Variants in PKD2 observed in about 807,000 individuals in gnomAD.
The protein encoded by PKD2 is polycystin 2, transient receptor potential cation channel.
In PKD2, 48 loss-of-function variants were observed where a neutral mutation model predicts 105.9. That is an observed-to-expected ratio of 0.45 (90% CI 0.36 to 0.58). The LOEUF is 0.58. Ranked by LOEUF, PKD2 falls within the 20% of genes least tolerant of loss-of-function variation. PKD2 has a pLI of 0.00. For synonymous variants in PKD2, 464 were observed against 481.1 expected, an observed-to-expected ratio of 0.96 and a Z score of 0.46; for missense variants, 1,078 against 1,255.3, an observed-to-expected ratio of 0.86 and a Z score of 2.13.
At chr4:88,064,786 G>A (rs561505115) in intron 10 of PKD2, among the ~76,000 whole-genome samples, 1 of 152,056 alleles carries the variant, frequency 6.6e-6, no homozygotes, top group African/African-American at 2.4e-5. Flanking sequence ...GCTACTTGTT[G>A]GGGGCTGAGT....
Position 88,043,233 on chromosome 4 carries a change from T to G in PKD2, c.1095T>G (p.Ala365=). ...RAPFGPRNGT[A]WIYTSEKDLN... ...GTTTTTTGGTTTTGTTTTTAATCAGTTGGATCTACACAAGTGAAAAAGACT... is the reference window on the plus strand; with the variant it reads ...GTTTTTTGGTTTTGTTTTTAATCAGGTGGATCTACACAAGTGAAAAAGACT... Residue 365 remains alanine (A), a splice_region_variant and synonymous_variant, in exon 5 of 15, where the codon GCT becomes GCG. Transcript: ENST00000237596. The G allele has an allele frequency of 1.3e-6, 2 of 1,583,168 alleles. No individual in the cohort carries two copies. Among genetic ancestry groups the G allele is most frequent in the Non-Finnish European group, 1.7e-6 (2 of 1,158,316 alleles).
At chr4:88,036,183 C>T (rs1435846135) in intron 2 of PKD2, 37 bp from the exon 3 acceptor site, 3 of 1,613,648 alleles carry the variant, frequency 1.9e-6, no homozygotes, top group Non-Finnish European at 2.5e-6. Context: ...TGTGCCGGTT[C>T]CCTTGGGGCG....
chr4:88,030,523 TA>T (rs1727109591), intron 2 of PKD2, among the ~76,000 whole-genome samples: 1 of 152,252 alleles, frequency 6.6e-6, no homozygotes, highest in South Asian at 2.1e-4. Flanking sequence ...CCATTCCCTA[TA>T]AATATCTGGT....
chr4:88,007,967 G>A lies in PKD2; in HGVS notation c.234G>A (p.Pro78=). 6.7e-7 allele frequency: 1 copy of A among 1,498,684 alleles called. No homozygotes were observed. Among genetic ancestry groups the A allele is most frequent in the Non-Finnish European group, 8.9e-7 (1 of 1,127,508 alleles). The allele number at this position is 1,498,684 out of a possible 1,614,324, so 92.8% of individuals were successfully genotyped here. ...GAGCCGCGGCCTCCCCTTCTCCTCC[G>A]CTCTCGTCGTGCTCCCGGCAGGCGT... ...PAGAAASPSP[P]LSSCSRQAWS... Residue 78 remains proline, a synonymous_variant, in exon 1 of 15, where the codon CCG becomes CCA. Transcript: ENST00000237596.
chr4:88,023,821 A>T (rs1291386754), intron 2 of PKD2, among the ~76,000 whole-genome samples: 2 of 152,206 alleles, frequency 1.3e-5, no homozygotes, highest in African/African-American at 4.8e-5. Context: ...CTCAGTTCTA[A>T]GAGCTATAGT....
chr4:88,041,549 T>A (rs1727565178), intron 4 of PKD2, among the ~76,000 whole-genome samples: 1 of 152,172 alleles, frequency 6.6e-6, no homozygotes, highest in Admixed American at 6.5e-5. Flanking sequence ...TCACATAGGA[T>A]GTGCTGAATT....
chr4:88,066,873 C>A (rs1720816064), intron 12 of PKD2, among the ~76,000 whole-genome samples: 1 of 152,112 alleles, frequency 6.6e-6, no homozygotes, highest in Non-Finnish European at 1.5e-5. Flanking sequence ...AAGCCACTTT[C>A]CTATGAGAAG....
At chr4:88,043,702 A>G (rs76104738) in intron 5 of PKD2, among the ~76,000 whole-genome samples, 2 of 152,174 alleles carry the variant, frequency 1.3e-5, no homozygotes, top group East Asian at 1.9e-4. Flanking sequence ...GTTCATCTCA[A>G]TGCTGGAACC....
chr4:88,033,216 C>T (rs945288546), intron 2 of PKD2, among the ~76,000 whole-genome samples: 1 of 152,062 alleles, frequency 6.6e-6, no homozygotes, highest in Non-Finnish European at 1.5e-5. Context: ...CACTTGAGCT[C>T]ACAAGTTTGA....
At chr4:88,019,388 T>A in intron 1 of PKD2, 70 bp from the exon 2 acceptor site, 1 of 817,346 alleles carries the variant, frequency 1.2e-6, no homozygotes, top group South Asian at 1.5e-5. Context: ...TGCTTTATTT[T>A]CCCTTTTGCC....
intron 1 of PKD2, among the ~76,000 whole-genome samples, chr4:88,011,488 A>G (rs1202306281): frequency 6.6e-6 from 1 of 152,016 alleles, no homozygotes; most frequent in Admixed American, 6.5e-5. Flanking sequence ...CAGGTTGAAT[A>G]CCTGGAATAA....
chr4:88,011,897 G>C (rs1043498345), intron 1 of PKD2, among the ~76,000 whole-genome samples: 2 of 48,066 alleles, frequency 4.2e-5, no homozygotes, highest in African/African-American at 1.5e-4. Flanking sequence ...TTTCAATGGG[G>C]GGGGGGGGGA....
intron 6 of PKD2, among the ~76,000 whole-genome samples, chr4:88,049,181 T>C (rs538617151): frequency 1.3e-5 from 2 of 152,254 alleles, no homozygotes; most frequent in South Asian, 2.1e-4. Flanking sequence ...TTATTATCTT[T>C]ATTTGTAAAT....
Position 88,073,583 on chromosome 4 carries a change from C to G in PKD2, c.2523-1229C>G, listed in dbSNP as rs375161466. On this transcript the variant is annotated intron_variant, in intron 13 of 14. Coordinates refer to ENST00000237596, the MANE Select transcript of PKD2 (RefSeq NM_000297.4). Reference sequence around the variant, plus strand: ...AGAAATGCTGGCAGCCTGCCCCTCCCTGGGAGATACTGTAGCCCTAGACTG... The same window carrying G: ...AGAAATGCTGGCAGCCTGCCCCTCCGTGGGAGATACTGTAGCCCTAGACTG... Among the ~76,000 whole-genome samples the G allele has an allele frequency of 3.0e-4, 46 of 152,114 alleles. No individual in the cohort carries two copies. The South Asian group carries it at 9.6e-3, about 32-fold the overall frequency.
intron 4 of PKD2, among the ~76,000 whole-genome samples, chr4:88,042,490 G>C (rs192306172): frequency 6.6e-6 from 1 of 152,232 alleles, no homozygotes; most frequent in Non-Finnish European, 1.5e-5. Flanking sequence ...CAACCCATAT[G>C]ACCATTCACC....
In PKD2 at chr4:88,058,023, G is replaced by T; in HGVS notation, c.1939G>T (p.Ala647Ser). ...FRIILGDINF[A>S]EIEEANRVLG... is the part of the protein sequence containing the mutation. ...TATCATTTTGGGCGATATCAACTTT[G>T]CAGAGATTGAGGAAGCTAATCGAGT... Residue 647 changes from alanine (A) to serine (S), a missense_variant, in exon 9 of 15, where the codon GCA (alanine) becomes TCA (serine). Physicochemically the swap from Ala to Ser is moderately conservative, Grantham distance 99 (BLOSUM62 1). This residue lies in a region of PKD2 where 868 missense variants were observed against 1,067.3 expected (regional missense o/e 0.81). Transcript: ENST00000237596. The T allele has an allele frequency of 3.1e-6, 5 of 1,587,620 alleles. No individual in the cohort carries two copies. The highest frequency in any genetic ancestry group is 4.3e-6 in the Non-Finnish European group (5 of 1,155,868).
At chr4:88,035,259 T>C (rs371161676) in intron 2 of PKD2, among the ~76,000 whole-genome samples, 7 of 152,202 alleles carry the variant, frequency 4.6e-5, no homozygotes, top group African/African-American at 1.2e-4. Context: ...GACCATTCAA[T>C]ATTATCAGTA....
chr4:88,064,611 G>T (rs184137661), intron 10 of PKD2, among the ~76,000 whole-genome samples: 1 of 152,036 alleles, frequency 6.6e-6, no homozygotes, highest in East Asian at 1.9e-4. Context: ...AAAAATCCTC[G>T]GCCAGGGGCA....
Position 88,019,479 on chromosome 4 carries a change from T to C in PKD2, c.617T>C (p.Met206Thr), listed in dbSNP as rs746062787. 8.8e-6 allele frequency: 14 copies of C among 1,590,028 alleles called. No individual in the cohort carries two copies. The African/African-American group carries it at 1.3e-4, about 15-fold the overall frequency. ...AAAGGTCTCTGGGGAACAAGACTCA[T>C]GGAGGAAAGCAGCACTAACCGAGAG... ...GLRGLWGTRLMEESSTNREKY... is the reference protein window; with the variant it reads ...GLRGLWGTRLTEESSTNREKY... Residue 206 changes from methionine to threonine, a missense_variant, in exon 2 of 15, where the codon ATG (methionine) becomes ACG (threonine). Transcript: ENST00000237596.
Sources: allele counts gnomAD v4.1 joint callset (sites outside exome capture counted in the v4.1 genomes callset), GRCh38; gene constraint gnomAD v4.1.1; regional missense constraint gnomAD v4.1.1; transcripts MANE v1.5; gene names NCBI Gene and HGNC (gene_info 2026-07-23, HGNC 2026-07-21).